Variants in MB21D2 observed in about 807,000 individuals in gnomAD.
MB21D2 encodes Mab-21 domain containing 2, also known as nucleotidyltransferase MB21D2.
In MB21D2, 9 loss-of-function variants were observed where a neutral mutation model predicts 33.3. That is an observed-to-expected ratio of 0.27 (90% CI 0.16 to 0.47). The LOEUF (loss-of-function observed/expected upper bound fraction) is 0.47. MB21D2 is among the 20% of genes least tolerant of loss of function. MB21D2 has a pLI of 0.99. For missense variants in MB21D2, 540 were observed against 624.6 expected, an observed-to-expected ratio of 0.86 and a Z score of 1.44; for synonymous variants, 241 against 236.3, an observed-to-expected ratio of 1.02 and a Z score of -0.18.
At chr3:192,803,798 G>A (rs1711601972) in intron 1 of MB21D2, among the ~76,000 whole-genome samples, 3 of 152,166 alleles carry the variant, frequency 2.0e-5, no homozygotes, top group Admixed American at 2.0e-4. Context: ...TGTAATTACT[G>A]GAGGATAAGA....
At chr3:192,890,064 T>C (rs1713816077) in intron 1 of MB21D2, among the ~76,000 whole-genome samples, 1 of 152,112 alleles carries the variant, frequency 6.6e-6, no homozygotes, top group South Asian at 2.1e-4. Context: ...TTTACCTTTA[T>C]TTATTCCCAG....
chr3:192,847,475 G>A (rs112862633), intron 1 of MB21D2, among the ~76,000 whole-genome samples: 203 of 152,222 alleles, frequency 1.3e-3, no homozygotes, highest in African/African-American at 4.5e-3. Flanking sequence ...CTCAAAAGGC[G>A]AATTTTCCTC....
intron 1 of MB21D2, among the ~76,000 whole-genome samples, chr3:192,841,028 C>CTTTGACTA (rs1712559826): frequency 6.6e-6 from 1 of 152,182 alleles, no homozygotes; most frequent in African/African-American, 2.4e-5. Flanking sequence ...CATGTTCTGT[C>CTTTGACTA]ACATAGTAGT....
At chr3:192,854,783 A>G (rs904966200) in intron 1 of MB21D2, among the ~76,000 whole-genome samples, 17 of 152,236 alleles carry the variant, frequency 1.1e-4, no homozygotes, top group Non-Finnish European at 1.6e-4. Flanking sequence ...TAAGAATTAC[A>G]CTAAATCTAC....
chr3:192,822,534 C>T (rs910742009), intron 1 of MB21D2, among the ~76,000 whole-genome samples: 2 of 152,142 alleles, frequency 1.3e-5, no homozygotes, highest in East Asian at 1.9e-4. Context: ...AGGTCCACCA[C>T]GGGGAAGTGC....
intron 1 of MB21D2, among the ~76,000 whole-genome samples, chr3:192,819,694 C>A (rs1269538842): frequency 6.6e-6 from 1 of 152,198 alleles, no homozygotes. Context: ...TACAAAAGAT[C>A]TTCTATGCAG....
At chr3:192,809,064 T>C (rs1369788088) in intron 1 of MB21D2, among the ~76,000 whole-genome samples, 3 of 152,130 alleles carry the variant, frequency 2.0e-5, no homozygotes, top group Non-Finnish European at 4.4e-5. Context: ...TCTCGTTCAA[T>C]CTTCTTGGCC....
At chr3:192,902,420 T>C (rs968870188) in intron 1 of MB21D2, among the ~76,000 whole-genome samples, 3 of 152,180 alleles carry the variant, frequency 2.0e-5, no homozygotes, top group Admixed American at 6.5e-5. Flanking sequence ...AGGTTTCTTA[T>C]CTATAAAGTG....
chr3:192,807,802 A>G (rs924917), intron 1 of MB21D2, among the ~76,000 whole-genome samples: 91,296 of 151,960 alleles, frequency 0.6, 29,072 homozygotes, highest in African/African-American at 0.82. Flanking sequence ...AACATACACC[A>G]CCCCCACTGC....
At chr3:192,909,936 CAAAAAAAAAAAAAAAAA>C (rs61613458) in intron 1 of MB21D2, among the ~76,000 whole-genome samples, 1 of 52,804 alleles carries the variant, frequency 1.9e-5, no homozygotes, top group African/African-American at 8.0e-5. Context: ...GACTCTGTCT[CAAAAAAAAAAAAAAAAA>C]AAAAAAAAAA....
intron 1 of MB21D2, among the ~76,000 whole-genome samples, chr3:192,879,461 C>T (rs566457554): frequency 2.0e-5 from 3 of 152,382 alleles, no homozygotes; most frequent in African/African-American, 2.4e-5. Context: ...AACAAACGCC[C>T]GCTGGGCCTC....
chr3:192,816,099 G>C (rs1711916147), intron 1 of MB21D2, among the ~76,000 whole-genome samples: 1 of 152,040 alleles, frequency 6.6e-6, no homozygotes. Flanking sequence ...ATTGTCCCAG[G>C]GTTGAATTGA....
intron 1 of MB21D2, among the ~76,000 whole-genome samples, chr3:192,837,984 A>G (rs1290865533): frequency 6.6e-6 from 1 of 152,246 alleles, no homozygotes; most frequent in Non-Finnish European, 1.5e-5. Flanking sequence ...AACACTTCCT[A>G]TCTTTTAGTT....
chr3:192,815,585 G>T (rs1354625), intron 1 of MB21D2, among the ~76,000 whole-genome samples: 29,303 of 152,112 alleles, frequency 0.19, 4,454 homozygotes, highest in African/African-American at 0.42. Context: ...TACTGTCTCA[G>T]TAATTCTCTA....
chr3:192,867,675 T>C (rs1214993283), intron 1 of MB21D2, among the ~76,000 whole-genome samples: 1 of 152,220 alleles, frequency 6.6e-6, no homozygotes, highest in African/African-American at 2.4e-5. Context: ...GCATATTCTT[T>C]GACACTCTCC....
chr3:192,853,685 G>C (rs1424695525), intron 1 of MB21D2, among the ~76,000 whole-genome samples: 7 of 151,922 alleles, frequency 4.6e-5, no homozygotes, highest in Admixed American at 4.6e-4. Flanking sequence ...ACAAGTACAG[G>C]CGCACCTTGT....
chr3:192,858,070 A>T (rs1373668499), intron 1 of MB21D2, among the ~76,000 whole-genome samples: 1 of 152,230 alleles, frequency 6.6e-6, no homozygotes, highest in Non-Finnish European at 1.5e-5. Flanking sequence ...GGTTGCGGTG[A>T]GCCAAGATCA....
rs1030783126 is a variant in MB21D2, at chr3:192,917,491, C to G, written c.211+139G>C. ...GCGGAGAAAGAAGAGAGAGGCGGAA[C>G]AGAGATGGCTTATACCCAAGGCACC... On this transcript the variant is annotated intron_variant, in intron 1 of 1. Coordinates refer to ENST00000392452, the MANE Select transcript of MB21D2 (RefSeq NM_178496.4). 3 of 759,962 alleles carry G rather than the reference C, an allele frequency of 3.9e-6. No homozygotes were observed. The African/African-American group carries it at 5.3e-5, about 13-fold the overall frequency. 47.1% of individuals were successfully genotyped at this position (759,962 alleles called of 1,614,324 possible).
At chr3:192,802,813 A>G (rs751282817) in intron 1 of MB21D2, among the ~76,000 whole-genome samples, 2 of 152,240 alleles carry the variant, frequency 1.3e-5, no homozygotes, top group Non-Finnish European at 1.5e-5. Context: ...CTTTCATTCT[A>G]CCATTCAGAA....
Sources: gnomAD v4.1 joint callset for allele counts (sites outside exome capture counted in the v4.1 genomes callset) on GRCh38, gnomAD v4.1.1 for gene constraint, MANE v1.5 for transcripts, NCBI Gene and HGNC (gene_info 2026-07-23, HGNC 2026-07-21) for gene names.